Variants in SPAG16 observed in about 807,000 individuals in gnomAD.
SPAG16 encodes sperm associated antigen 16.
SPAG16 carries 86 observed loss-of-function variants against 80.4 expected under a neutral mutation model. The observed-to-expected ratio is 1.07, with a 90% CI of 0.90 to 1.28. SPAG16 has a LOEUF of 1.28. Among genes scored for constraint, SPAG16 ranks in the 50% most tolerant of loss-of-function variants. The pLI is 0.00. For synonymous variants in SPAG16, 294 were observed against 265.9 expected (o/e 1.11, Z -1.03); for missense variants, 870 against 765.3 (o/e 1.14, Z -1.61).
At chr2:214,108,479 A>ACACCCC (rs71409874) in intron 14 of SPAG16, among the ~76,000 whole-genome samples, 24 of 52,404 alleles carry the variant, frequency 4.6e-4, no homozygotes, top group East Asian at 3.5e-3. Flanking sequence ...ACACACACAC[A>ACACCCC]CCCCCACACA....
intron 9 of SPAG16, among the ~76,000 whole-genome samples, chr2:213,419,333 T>G (rs1312512997): frequency 6.6e-6 from 1 of 152,196 alleles, no homozygotes; most frequent in Non-Finnish European, 1.5e-5. Flanking sequence ...CATTTTAATT[T>G]TTCTTTACAT....
At chr2:213,999,035 G>A (rs2046661995) in intron 12 of SPAG16, among the ~76,000 whole-genome samples, 1 of 152,170 alleles carries the variant, frequency 6.6e-6, no homozygotes, top group Admixed American at 6.5e-5. Flanking sequence ...GCCTGACAAT[G>A]TGATAAAAAA....
intron 12 of SPAG16, among the ~76,000 whole-genome samples, chr2:213,981,433 A>G (rs1465005231): frequency 6.6e-6 from 1 of 152,056 alleles, no homozygotes; most frequent in East Asian, 1.9e-4. Flanking sequence ...CAATCCAGAC[A>G]GTGAGTTTTT....
At chr2:214,335,028 G>A (rs1257803359) in intron 15 of SPAG16, among the ~76,000 whole-genome samples, 1 of 152,214 alleles carries the variant, frequency 6.6e-6, no homozygotes, top group Admixed American at 6.5e-5. Context: ...GAAAAGAACT[G>A]TCGGGAGTGA....
chr2:213,486,899 GATA>G (rs1418784496), intron 9 of SPAG16, among the ~76,000 whole-genome samples: 2 of 152,118 alleles, frequency 1.3e-5, no homozygotes, highest in Middle Eastern at 3.4e-3. Flanking sequence ...AATATAAATA[GATA>G]ATGTTTATTA....
Position 214,108,258 on chromosome 2 carries a change from C to G in SPAG16, c.1590C>G (p.Pro530=), listed in dbSNP as rs1281078835. 6.2e-7 allele frequency: 1 copy of G among 1,601,172 alleles called. No individual in the cohort carries two copies. The change falls in exon 14 of 16, where the codon CCC becomes CCG. Residue 530 remains proline, a synonymous_variant. Transcript: ENST00000331683. ...CTATCAATGATGCCATTTTTGATCC[C>G]AGGGTAAGTTCAGTTCTCCCAGTAA... is the stretch of plus-strand genomic sequence containing the variant. ...MHSINDAIFD[P]RGHMIASCDA...
chr2:213,765,294 G>A (rs2068875029), intron 10 of SPAG16, among the ~76,000 whole-genome samples: 2 of 151,544 alleles, frequency 1.3e-5, no homozygotes, highest in African/African-American at 2.4e-5. Context: ...GCTTGAACCC[G>A]GGAGTCGGAG....
At chr2:213,828,575 C>T (rs989729360) in intron 10 of SPAG16, among the ~76,000 whole-genome samples, 10 of 152,118 alleles carry the variant, frequency 6.6e-5, no homozygotes, top group African/African-American at 1.9e-4. Context: ...TGTCCTGATG[C>T]TTGTGGATAT....
intron 11 of SPAG16, among the ~76,000 whole-genome samples, chr2:213,902,145 T>C (rs2077245167): frequency 6.6e-6 from 1 of 152,180 alleles, no homozygotes; most frequent in Non-Finnish European, 1.5e-5. Context: ...AGAACTGGAT[T>C]CAGGCAGAAA....
chr2:213,351,422 A>G (rs2065320453), intron 7 of SPAG16, among the ~76,000 whole-genome samples: 1 of 152,166 alleles, frequency 6.6e-6, no homozygotes, highest in African/African-American at 2.4e-5. Context: ...CCTCATAGGT[A>G]CTGACTCAAG....
At chr2:214,140,688 T>A (rs933762287) in intron 14 of SPAG16, among the ~76,000 whole-genome samples, 1 of 152,032 alleles carries the variant, frequency 6.6e-6, no homozygotes, top group African/African-American at 2.4e-5. Flanking sequence ...TCTTTAGTAA[T>A]AGACTCTAGT....
chr2:213,287,824 C>G (rs965273636), intron 1 of SPAG16, among the ~76,000 whole-genome samples: 3 of 152,128 alleles, frequency 2.0e-5, no homozygotes, highest in Non-Finnish European at 4.4e-5. Context: ...GACTGATGCC[C>G]TTATCTGAGA....
At chr2:213,647,092 T>G (rs2062848863) in intron 10 of SPAG16, among the ~76,000 whole-genome samples, 1 of 152,182 alleles carries the variant, frequency 6.6e-6, no homozygotes, top group Admixed American at 6.5e-5. Context: ...AGAAGGGTTG[T>G]TCTCTTGGGA....
At chr2:213,476,949 G>A (rs2073435253) in intron 9 of SPAG16, among the ~76,000 whole-genome samples, 1 of 152,152 alleles carries the variant, frequency 6.6e-6, no homozygotes, top group Non-Finnish European at 1.5e-5. Flanking sequence ...ATTTTATTGA[G>A]CAACAGAAAG....
At chr2:213,544,439 C>G (rs537056906) in intron 10 of SPAG16, among the ~76,000 whole-genome samples, 1 of 152,030 alleles carries the variant, frequency 6.6e-6, no homozygotes, top group African/African-American at 2.4e-5. Context: ...CCCATACCCC[C>G]ACACGTACAT....
chr2:213,668,233 C>T (rs2063683184), intron 10 of SPAG16, among the ~76,000 whole-genome samples: 1 of 151,636 alleles, frequency 6.6e-6, no homozygotes, highest in Admixed American at 6.6e-5. Flanking sequence ...GCTATCATGC[C>T]TGGCCAAAAT....
At chr2:214,233,890 T>C (rs570109562) in intron 15 of SPAG16, among the ~76,000 whole-genome samples, 5 of 152,098 alleles carry the variant, frequency 3.3e-5, no homozygotes, top group Non-Finnish European at 7.4e-5. Context: ...GTGGTTTTTT[T>C]AATTATTTTG....
intron 15 of SPAG16, among the ~76,000 whole-genome samples, chr2:214,388,708 G>A (rs995088886): frequency 2.0e-5 from 3 of 152,220 alleles, no homozygotes; most frequent in Middle Eastern, 3.4e-3. Flanking sequence ...ACTTTACTGG[G>A]TGGGGAACAA....
chr2:213,557,949 T>C (rs763058929), intron 10 of SPAG16, among the ~76,000 whole-genome samples: 3 of 152,176 alleles, frequency 2.0e-5, no homozygotes, highest in Non-Finnish European at 4.4e-5. Context: ...AGAACTAGAG[T>C]AAAATGTTCA....
Sources: gnomAD v4.1 joint callset for allele counts (sites outside exome capture counted in the v4.1 genomes callset) on GRCh38, gnomAD v4.1.1 for gene constraint, MANE v1.5 for transcripts, NCBI Gene and HGNC (gene_info 2026-07-23, HGNC 2026-07-21) for gene names.